The following TRIO variants were observed in gnomAD, a reference collection of about 807,000 sequenced individuals.
TRIO encodes trio Rho guanine nucleotide exchange factor.
A neutral mutation model predicts 351.9 loss-of-function variants in TRIO; 58 were observed. That is an observed-to-expected ratio of 0.16 (90% CI 0.13 to 0.21). TRIO has a LOEUF of 0.21. Among genes scored for constraint, TRIO ranks in the 10% least tolerant of loss-of-function variants. TRIO has a pLI of 1.00. For missense variants in TRIO, 3,201 were observed against 4,027.8 expected (o/e 0.79, Z 5.56); for synonymous variants, 1,758 against 1,595.7 (o/e 1.10, Z -2.42).
chr5:14,467,626 G>T (rs1041397170), intron 37 of TRIO, among the ~76,000 whole-genome samples: 3 of 152,048 alleles, frequency 2.0e-5, no homozygotes, highest in Admixed American at 2.0e-4. Flanking sequence ...GACCAGCCTG[G>T]GAAACACGAG....
chr5:14,350,022 C>T (rs1742908540), intron 11 of TRIO, among the ~76,000 whole-genome samples: 2 of 152,196 alleles, frequency 1.3e-5, no homozygotes, highest in African/African-American at 4.8e-5. Context: ...TAACGGCCTC[C>T]AGCTCTGTCT....
chr5:14,359,663 G>C, intron 13 of TRIO, 132 bp downstream of exon 13: 5 of 1,124,052 alleles, frequency 4.4e-6, no homozygotes, highest in Non-Finnish European at 5.0e-6. Context: ...TGCACCAGGA[G>C]GGGGTGTGGG....
chr5:14,461,057 G>C lies in TRIO; in HGVS notation c.5242G>C (p.Ala1748Pro), dbSNP rs1173060432. ...CTCCAGCAATGACGCCAGTCCACCC[G>C]CATCCGTGGCTTCCCTCCAGCCCCA... Reference protein sequence around the residue: ...SVSSNDASPPASVASLQPHMI... With the variant: ...SVSSNDASPPPSVASLQPHMI... The change falls in exon 35 of 57, where the codon GCA becomes CCA. Residue 1748 changes from alanine to proline, a missense_variant. By Grantham distance (27) the Ala-to-Pro change is conservative (BLOSUM62 -1). This residue lies in a region of TRIO where 193 missense variants were observed against 218.8 expected (regional missense o/e 0.88). Coordinates refer to ENST00000344204, the MANE Select transcript of TRIO (RefSeq NM_007118.4). 1 of 1,581,248 alleles carries C rather than the reference G, an allele frequency of 6.3e-7. No individual in the cohort carries two copies. Among genetic ancestry groups the C allele is most frequent in the Admixed American group, 1.8e-5 (1 of 56,700 alleles).
At chr5:14,462,427 A>G (rs1232469609) in intron 35 of TRIO, among the ~76,000 whole-genome samples, 1 of 152,240 alleles carries the variant, frequency 6.6e-6, no homozygotes, top group Non-Finnish European at 1.5e-5. Context: ...AAGGAACTAA[A>G]TCAACATGAG....
chr5:14,338,651 C>T, intron 11 of TRIO, among the ~76,000 whole-genome samples: 1 of 152,178 alleles, frequency 6.6e-6, no homozygotes, highest in East Asian at 1.9e-4. Context: ...CAGCCTGGAC[C>T]CTTCTGAGGG....
rs1058310 is a variant in TRIO, at chr5:14,509,794, C to T, written c.*1372C>T. 0.32 allele frequency: 61,026 copies of T among 191,218 alleles called. 10,334 individuals carry two copies. Among genetic ancestry groups the T allele is most frequent in the Middle Eastern group, 0.44 (209 of 470 alleles). The allele number at this position is 191,218 out of a possible 1,614,324, so 11.8% of individuals were successfully genotyped here. A position where few individuals can be genotyped will look rare whatever the true frequency, so the allele number is the denominator to read the frequency against. On this transcript the variant is annotated 3_prime_UTR_variant, in exon 57 of 57. Transcript: ENST00000344204. ...AGGAGGCTGGGTTTCTGGGCACCCT[C>T]GAAGTTTTCTGGATGTCTTTTTATC...
At chr5:14,405,754 A>G in intron 31 of TRIO, 94 bp from the exon 32 acceptor site, 1 of 1,433,120 alleles carries the variant, frequency 7.0e-7, no homozygotes, top group Non-Finnish European at 9.3e-7. Flanking sequence ...TTTTGAAAAT[A>G]GAAACTCAAG....
intron 33 of TRIO, among the ~76,000 whole-genome samples, chr5:14,414,261 A>T (rs543879098): frequency 6.6e-6 from 1 of 152,192 alleles, no homozygotes. Context: ...GGCATTTCTC[A>T]CTGGGATATG....
At chr5:14,465,429 C>T (rs866489452) in intron 36 of TRIO, 116 bp from the exon 37 acceptor site, 1 of 959,016 alleles carries the variant, frequency 1.0e-6, no homozygotes, top group Non-Finnish European at 1.6e-6. Flanking sequence ...AACTTGTGGT[C>T]TTTTTGTCTG....
At chr5:14,467,554 G>A (rs978085559) in intron 37 of TRIO, among the ~76,000 whole-genome samples, 1 of 152,166 alleles carries the variant, frequency 6.6e-6, no homozygotes, top group African/African-American at 2.4e-5. Context: ...GGTGGTTCAT[G>A]CCTGTAATCC....
chr5:14,249,738 T>A (rs897725), intron 1 of TRIO, among the ~76,000 whole-genome samples: 2 of 152,324 alleles, frequency 1.3e-5, no homozygotes, highest in East Asian at 1.9e-4. Flanking sequence ...AACAGCATTC[T>A]GGACCCAGTG....
At chr5:14,343,127 G>C (rs1742096220) in intron 11 of TRIO, among the ~76,000 whole-genome samples, 1 of 150,554 alleles carries the variant, frequency 6.6e-6, no homozygotes, top group Admixed American at 6.6e-5. Context: ...TGGACAAGGA[G>C]GTCCCATGCA....
intron 1 of TRIO, among the ~76,000 whole-genome samples, chr5:14,150,282 A>T (rs1787751209): frequency 1.3e-5 from 2 of 150,646 alleles, no homozygotes; most frequent in African/African-American, 2.4e-5. Flanking sequence ...CAGAAAACAG[A>T]TGGGCATTGA....
intron 1 of TRIO, among the ~76,000 whole-genome samples, chr5:14,203,601 A>T (rs1791273435): frequency 6.6e-6 from 1 of 152,222 alleles, no homozygotes; most frequent in Non-Finnish European, 1.5e-5. Flanking sequence ...AAAAGTAACA[A>T]ATTCTAAGAA....
At chr5:14,494,730 C>G (rs1299801346) in intron 49 of TRIO, among the ~76,000 whole-genome samples, 4 of 152,092 alleles carry the variant, frequency 2.6e-5, no homozygotes, top group Non-Finnish European at 2.9e-5. Context: ...GAAACCCAGG[C>G]TCTATTAAAA....
chr5:14,432,647 A>G lies in TRIO; in HGVS notation c.5203+12626A>G, dbSNP rs3804225. Among the ~76,000 whole-genome samples the G allele has an allele frequency of 1.5e-3, 223 of 151,944 alleles. 3 individuals are homozygous for G. The East Asian group carries it at 0.039, about 27-fold the overall frequency. ...TGGGGGCCAGATTTCTCCTCTTCCT[A>G]CTCCCCTAGTTGATTACAGAACTTT... On this transcript the variant is annotated intron_variant, in intron 34 of 56. Coordinates refer to ENST00000344204, the MANE Select transcript of TRIO (RefSeq NM_007118.4).
At chr5:14,470,831 A>G (rs1009821195) in intron 37 of TRIO, among the ~76,000 whole-genome samples, 1 of 152,216 alleles carries the variant, frequency 6.6e-6, no homozygotes, top group Non-Finnish European at 1.5e-5. Context: ...TAATCAGGAA[A>G]CAAACCAAGT....
chr5:14,299,256 G>A (rs1737650898), intron 7 of TRIO, among the ~76,000 whole-genome samples: 1 of 152,132 alleles, frequency 6.6e-6, no homozygotes, highest in East Asian at 1.9e-4. Context: ...TGGATTTGAA[G>A]GAAATGAAAC....
chr5:14,331,706 A>G (rs571082173), intron 10 of TRIO, among the ~76,000 whole-genome samples: 1 of 152,272 alleles, frequency 6.6e-6, no homozygotes, highest in African/African-American at 2.4e-5. Context: ...TGTTTTAGAC[A>G]CGGCTGCAGT....
Sources: allele counts gnomAD v4.1 joint callset (sites outside exome capture counted in the v4.1 genomes callset), GRCh38; gene constraint gnomAD v4.1.1; regional missense constraint gnomAD v4.1.1; transcripts MANE v1.5; gene names NCBI Gene and HGNC (gene_info 2026-07-23, HGNC 2026-07-21).